Variants in RPAP2 observed in about 807,000 individuals in gnomAD.
The protein encoded by RPAP2 is putative RNA polymerase II subunit B1 CTD phosphatase RPAP2.
In RPAP2, 52 loss-of-function variants were observed where a neutral mutation model predicts 73.1. The ratio of observed to expected loss-of-function variants is 0.71; its 90% CI spans 0.57 to 0.90. The LOEUF is 0.90. RPAP2 is among the 40% of genes least tolerant of loss of function. The pLI is 0.00. For synonymous variants in RPAP2, 225 were observed against 242.1 expected, an observed-to-expected ratio of 0.93 and a Z score of 0.65; for missense variants, 598 against 701.8, an observed-to-expected ratio of 0.85 and a Z score of 1.67.
Position 92,299,094 on chromosome 1 carries a change from G to T in RPAP2, c.21G>T (p.Pro7=). MADFAG[P]SSAGRKAGAP... ...CCCCCATGGCGGACTTCGCTGGGCC[G>T]TCTTCTGCCGGCCGCAAGGCCGGGG... The change falls in exon 1 of 13, where the codon CCG becomes CCT. Residue 7 remains proline (P), a synonymous_variant. Transcript: ENST00000610020. 6.6e-7 allele frequency: 1 copy of T among 1,518,688 alleles called. No homozygotes were observed. The highest frequency in any genetic ancestry group is 8.8e-7 in the Non-Finnish European group (1 of 1,130,064). 94.1% of individuals were successfully genotyped at this position (1,518,688 alleles called of 1,614,324 possible). A position where few individuals can be genotyped will look rare whatever the true frequency, so the allele number is the denominator to read the frequency against.
intron 6 of RPAP2, among the ~76,000 whole-genome samples, chr1:92,312,643 T>G (rs1651659743): frequency 6.6e-6 from 1 of 152,146 alleles, no homozygotes; most frequent in Non-Finnish European, 1.5e-5. Flanking sequence ...AGTCACATCT[T>G]CAAGCTCCAC....
rs559746169 is a variant in RPAP2 at position 92,336,593 on chromosome 1, A to G, written c.1619+166A>G. ...CTAAACAACATTATTTCTCTCTTCT[A>G]TTGAATGCAACCTTTATTTGCTCAA... On this transcript the variant is annotated intron_variant, in intron 10 of 12. Coordinates refer to ENST00000610020, the MANE Select transcript of RPAP2 (RefSeq NM_024813.3). Among the ~76,000 whole-genome samples, 281 of 152,270 alleles carry G rather than the reference A, an allele frequency of 1.8e-3. 1 individual carries two copies. The highest frequency in any genetic ancestry group is 3.1e-3 in the South Asian group (15 of 4,830).
chr1:92,382,364 G>A (rs947843365), intron 12 of RPAP2, among the ~76,000 whole-genome samples: 7 of 152,152 alleles, frequency 4.6e-5, no homozygotes, highest in African/African-American at 7.2e-5. Flanking sequence ...CACAATGGTT[G>A]AACTAGTTTA....
chr1:92,387,449 G>A lies in RPAP2; in HGVS notation c.*438G>A, dbSNP rs1655908204. On this transcript the variant is annotated 3_prime_UTR_variant, in exon 13 of 13. Coordinates refer to ENST00000610020, the MANE Select transcript of RPAP2 (RefSeq NM_024813.3). Reference sequence around the variant, plus strand: ...ATTCTAAAGATCAGTAAACAATTAGGTCAATAAATACATACAATTTAAGAT... The same window carrying A: ...ATTCTAAAGATCAGTAAACAATTAGATCAATAAATACATACAATTTAAGAT... 6.6e-6 allele frequency: 1 copy of A among 152,538 alleles called. No individual in the cohort carries two copies. Among genetic ancestry groups the A allele is most frequent in the African/African-American group, 2.4e-5 (1 of 41,422 alleles). The allele number at this position is 152,538 out of a possible 1,614,324, so 9.4% of individuals were successfully genotyped here. A position where few individuals can be genotyped will look rare whatever the true frequency, so the allele number is the denominator to read the frequency against.
intron 11 of RPAP2, among the ~76,000 whole-genome samples, chr1:92,376,475 G>A (rs147400192): frequency 1.4e-4 from 21 of 152,292 alleles, no homozygotes; most frequent in Admixed American, 1.1e-3. Flanking sequence ...TAGGGGTCAC[G>A]TGTTAAGAAT....
At chr1:92,318,486 CTT>C (rs914421181) in intron 6 of RPAP2, among the ~76,000 whole-genome samples, 1 of 152,004 alleles carries the variant, frequency 6.6e-6, no homozygotes, top group Non-Finnish European at 1.5e-5. Context: ...TTTTTCCCAC[CTT>C]TTTTTTCTTT....
At chr1:92,316,305 C>T (rs1651901685) in intron 6 of RPAP2, among the ~76,000 whole-genome samples, 1 of 152,160 alleles carries the variant, frequency 6.6e-6, no homozygotes, top group Non-Finnish European at 1.5e-5. Context: ...ATAACCTCTT[C>T]CTGAACAGCC....
chr1:92,399,813 C>T lies in RPAP2; in HGVS notation c.*12802C>T, dbSNP rs1019705214. On this transcript the variant is annotated 3_prime_UTR_variant, in exon 13 of 13. Transcript: ENST00000610020. ...AAATACACTAAATTTTAGACAGAGT[C>T]ACTTTCACTATGGCCACAATGGGAG... 2 of 152,146 alleles carry T rather than the reference C, an allele frequency of 1.3e-5. No homozygotes were observed. The highest frequency in any genetic ancestry group is 6.6e-5 in the Admixed American group (1 of 15,258). The allele number at this position is 152,146 out of a possible 1,614,324, so 9.4% of individuals were successfully genotyped here.
At chr1:92,299,621 A>G (rs1195248137) in intron 1 of RPAP2, among the ~76,000 whole-genome samples, 1 of 152,146 alleles carries the variant, frequency 6.6e-6, no homozygotes, top group Non-Finnish European at 1.5e-5. Flanking sequence ...GATTTTCAGG[A>G]GTGGTTAATT....
Position 92,392,536 on chromosome 1 carries a change from G to A in RPAP2, c.*5525G>A, listed in dbSNP as rs1403851513. On this transcript the variant is annotated 3_prime_UTR_variant, in exon 13 of 13. Transcript: ENST00000610020. ...CATAGTATTGGAAGTTCTGGCCAGG[G>A]CAATCAGGCAAGAGAAAGCAATAAA... 1 of 152,184 alleles carries A rather than the reference G, an allele frequency of 6.6e-6. No individual in the cohort carries two copies. Among genetic ancestry groups the A allele is most frequent in the Admixed American group, 6.6e-5 (1 of 15,264 alleles). The allele number at this position is 152,184 out of a possible 1,614,324, so 9.4% of individuals were successfully genotyped here. A position where few individuals can be genotyped will look rare whatever the true frequency, so the allele number is the denominator to read the frequency against.
chr1:92,304,087 AT>A lies in RPAP2; in HGVS notation c.333+20del. Reference sequence around the variant, plus strand: ...AGAAGCTGGGAATTGTAAGTAACTCATTTTTTTTAAAATATAGGCTTTTATT... The same window carrying A: ...AGAAGCTGGGAATTGTAAGTAACTCATTTTTTTAAAATATAGGCTTTTATT... On this transcript the variant is annotated intron_variant, in intron 4 of 12. Coordinates refer to ENST00000610020, the MANE Select transcript of RPAP2 (RefSeq NM_024813.3). The A allele has an allele frequency of 2.2e-5, 34 of 1,553,398 alleles. No individual in the cohort carries two copies. Among genetic ancestry groups the A allele is most frequent in the South Asian group, 4.7e-5 (4 of 85,210 alleles).
chr1:92,330,439 ATTTTTTTTTTT>A (rs35101382), intron 8 of RPAP2, among the ~76,000 whole-genome samples: 6 of 61,462 alleles, frequency 9.8e-5, no homozygotes, highest in East Asian at 1.3e-3. Context: ...TGGGTTGTCA[ATTTTTTTTTTT>A]TTTTTTTTTT....
intron 12 of RPAP2, among the ~76,000 whole-genome samples, chr1:92,384,769 ACATT>A (rs1655795182): frequency 1.3e-5 from 2 of 152,196 alleles, no homozygotes; most frequent in Non-Finnish European, 2.9e-5. Flanking sequence ...TATAAGCATA[ACATT>A]CAAAGGCCCT....
At position 92,320,603 on chromosome 1, in the gene RPAP2, C is replaced by T. The variant is rs567917593; in HGVS notation, c.493C>T (p.Pro165Ser). The T allele has an allele frequency of 9.3e-6, 15 of 1,610,688 alleles. No homozygotes were observed. Among genetic ancestry groups the T allele is most frequent in the African/African-American group, 1.3e-5 (1 of 74,888 alleles). Residue 165 changes from proline (P) to serine (S), a missense_variant, in exon 7 of 13, where the codon CCT becomes TCT. Pro to Ser is a moderately conservative substitution (Grantham distance 74). Coordinates refer to ENST00000610020, the MANE Select transcript of RPAP2 (RefSeq NM_024813.3). ...ATTTCTGTGTTCTTATTACAGGCAT[C>T]CTGATTTTCAACTGCTAAAGGAAGA... ...PVWVREEERH[P>S]DFQLLKEEQS...
chr1:92,378,709 C>T (rs1173589017), intron 11 of RPAP2, among the ~76,000 whole-genome samples: 2 of 152,146 alleles, frequency 1.3e-5, no homozygotes, highest in South Asian at 2.1e-4. Context: ...GTTAGCTTCT[C>T]GGTTCCATCT....
At chr1:92,319,583 C>T (rs1456879553) in intron 6 of RPAP2, among the ~76,000 whole-genome samples, 1 of 152,114 alleles carries the variant, frequency 6.6e-6, no homozygotes, top group Non-Finnish European at 1.5e-5. Context: ...AATGTAACTG[C>T]TTTCTCAGAA....
At chr1:92,301,205 C>G (rs970646677) in intron 2 of RPAP2, among the ~76,000 whole-genome samples, 4 of 152,064 alleles carry the variant, frequency 2.6e-5, no homozygotes, top group Non-Finnish European at 5.9e-5. Flanking sequence ...GAAATTTGGC[C>G]GGATGTGGTG....
At chr1:92,375,827 T>C (rs1378536375) in intron 11 of RPAP2, among the ~76,000 whole-genome samples, 2 of 151,398 alleles carry the variant, frequency 1.3e-5, no homozygotes, top group East Asian at 3.9e-4. Flanking sequence ...TGAGACTCTG[T>C]CTCAAAACAA....
intron 12 of RPAP2, among the ~76,000 whole-genome samples, chr1:92,381,164 C>T (rs1034973130): frequency 1.3e-5 from 2 of 152,062 alleles, no homozygotes; most frequent in African/African-American, 2.4e-5. Context: ...TAGGCTATCC[C>T]ACATGTCCCA....
Sources: gnomAD v4.1 joint callset for allele counts (sites outside exome capture counted in the v4.1 genomes callset) on GRCh38, gnomAD v4.1.1 for gene constraint, MANE v1.5 for transcripts, NCBI Gene and HGNC (gene_info 2026-07-23, HGNC 2026-07-21) for gene names.